Variants in GRAMD1B observed in about 807,000 individuals in gnomAD.
GRAMD1B encodes protein Aster-B.
In GRAMD1B, 37 loss-of-function variants were observed where a neutral mutation model predicts 99.7. The ratio of observed to expected loss-of-function variants is 0.37; its 90% CI spans 0.29 to 0.49. The LOEUF is 0.49. GRAMD1B is among the 20% of genes least tolerant of loss of function. The pLI, the probability that GRAMD1B is intolerant of heterozygous loss-of-function variation, is 0.98. For synonymous variants in GRAMD1B, 427 were observed against 387.6 expected (o/e 1.10, Z -1.19); for missense variants, 888 against 1,009.2 (o/e 0.88, Z 1.63).
intron 2 of GRAMD1B, among the ~76,000 whole-genome samples, chr11:123,499,184 G>C (rs1939601944): frequency 6.6e-6 from 1 of 152,136 alleles, no homozygotes; most frequent in South Asian, 2.1e-4. Flanking sequence ...GGTCATCAGG[G>C]TGGAGCCCCC....
At chr11:123,434,020 A>C (rs2134204163) in intron 1 of GRAMD1B, among the ~76,000 whole-genome samples, 1 of 152,144 alleles carries the variant, frequency 6.6e-6, no homozygotes, top group Non-Finnish European at 1.5e-5. Flanking sequence ...GCCTGAGCTC[A>C]GGAGTTAGCC....
chr11:123,450,575 A>C (rs1949844512), intron 1 of GRAMD1B, among the ~76,000 whole-genome samples: 1 of 152,208 alleles, frequency 6.6e-6, no homozygotes, highest in Non-Finnish European at 1.5e-5. Context: ...CATCACTGAA[A>C]GGGAATTAGT....
In GRAMD1B at chr11:123,591,683, G is replaced by C. The variant is rs907912720; in HGVS notation, c.685-2399G>C. On this transcript the variant is annotated intron_variant, in intron 4 of 19. Coordinates refer to ENST00000635736, the MANE Select transcript of GRAMD1B (RefSeq NM_001387025.1). The surrounding 1 kb of genome is among the most constrained non-coding windows in gnomAD (Gnocchi z 4.7). ...GACCATTTTAAATTGAAATAGGTGA[G>C]CCAGGCCCCGCCTTTGGGGGTGGAG... 7.6e-6 allele frequency: 3 copies of C among 393,990 alleles called. No individual in the cohort carries two copies. Among genetic ancestry groups the C allele is most frequent in the African/African-American group, 6.2e-5 (3 of 48,530 alleles). The allele number at this position is 393,990 out of a possible 1,614,324, so 24.4% of individuals were successfully genotyped here. A position where few individuals can be genotyped will look rare whatever the true frequency, so the allele number is the denominator to read the frequency against.
At chr11:123,584,191 C>A in intron 3 of GRAMD1B, 121 bp from the exon 4 acceptor site, 1 of 624,972 alleles carries the variant, frequency 1.6e-6, no homozygotes. Flanking sequence ...GGGAAGCATT[C>A]AGCTGCATTT....
chr11:123,366,533 C>T (rs1480275722), intron 1 of GRAMD1B, among the ~76,000 whole-genome samples: 6 of 152,208 alleles, frequency 3.9e-5, no homozygotes, highest in African/African-American at 1.2e-4. Context: ...AGGTGTCAAA[C>T]CTTTGGGCTA....
chr11:123,489,350 G>T (rs1371058321), intron 2 of GRAMD1B, among the ~76,000 whole-genome samples: 4 of 152,122 alleles, frequency 2.6e-5, no homozygotes, highest in African/African-American at 9.7e-5. Flanking sequence ...TGAAGCTCAG[G>T]GGACAAGACT....
intron 1 of GRAMD1B, among the ~76,000 whole-genome samples, chr11:123,467,846 C>CCTTT (rs1950778822): frequency 1.6e-5 from 2 of 124,466 alleles, no homozygotes; most frequent in African/African-American, 5.9e-5. Context: ...TCCCTCCCTT[C>CCTTT]CTTCCTTCCT....
intron 2 of GRAMD1B, among the ~76,000 whole-genome samples, chr11:123,566,532 C>T (rs1011986134): frequency 2.6e-5 from 4 of 152,142 alleles, no homozygotes; most frequent in East Asian, 1.9e-4. Flanking sequence ...TTTGGGAGGC[C>T]GAGGCGGGCA....
rs949106232 is a variant in GRAMD1B at position 123,591,106 on chromosome 11, G to A, written c.685-2976G>A. On this transcript the variant is annotated intron_variant, in intron 4 of 19. Coordinates refer to ENST00000635736, the MANE Select transcript of GRAMD1B (RefSeq NM_001387025.1). This position sits in a 1 kb window ranked among gnomAD's most constrained non-coding sequence, Gnocchi z 4.7. ...ACCACCTCTGGGCTACTCTCTGCCC[G>A]TGGACCAGCCGAGAAGAAAGCAGAG... 15 of 249,786 alleles carry A rather than the reference G, an allele frequency of 6.0e-5. No homozygotes were observed. The highest frequency in any genetic ancestry group is 7.6e-5 in the Non-Finnish European group (10 of 132,198). 15.5% of individuals were successfully genotyped at this position (249,786 alleles called of 1,614,324 possible). A position where few individuals can be genotyped will look rare whatever the true frequency, so the allele number is the denominator to read the frequency against.
chr11:123,395,966 A>G (rs771733595), intron 1 of GRAMD1B, among the ~76,000 whole-genome samples: 2 of 152,226 alleles, frequency 1.3e-5, no homozygotes, highest in Non-Finnish European at 2.9e-5. Context: ...GATAAAGACT[A>G]GAAGACTGTA....
At chr11:123,598,172 C>T in intron 7 of GRAMD1B, 2 of 1,523,924 alleles carry the variant, frequency 1.3e-6, no homozygotes, top group Non-Finnish European at 1.8e-6. Flanking sequence ...TGATGCCATT[C>T]AGCAAAGTGC....
intron 1 of GRAMD1B, among the ~76,000 whole-genome samples, chr11:123,371,537 T>C (rs1226139037): frequency 6.6e-6 from 1 of 152,182 alleles, no homozygotes; most frequent in Non-Finnish European, 1.5e-5. Flanking sequence ...TTTAGGCCCA[T>C]GAAGTGAATT....
At chr11:123,392,077 T>C (rs59757547) in intron 1 of GRAMD1B, among the ~76,000 whole-genome samples, 74,825 of 151,868 alleles carry the variant, frequency 0.49, 18,803 homozygotes, top group African/African-American at 0.6. Flanking sequence ...TCATGGATCC[T>C]GGGGGAAGAG....
rs1950203125 is a variant in GRAMD1B, at chr11:123,587,650, G to T, written c.684+3318G>T. The stretch of plus-strand genomic sequence containing the variant: ...GCAGCCCCAGAAGGAGCATTTCTGA[G>T]ATCAGAGCACAGGAGCCCAGACCCT... On this transcript the variant is annotated intron_variant, in intron 4 of 19. Coordinates refer to ENST00000635736, the MANE Select transcript of GRAMD1B (RefSeq NM_001387025.1). The surrounding 1 kb of genome is among the most constrained non-coding windows in gnomAD (Gnocchi z 4.2). Among the ~76,000 whole-genome samples, 2 of 152,174 alleles carry T rather than the reference G, an allele frequency of 1.3e-5. No individual in the cohort carries two copies. The highest frequency in any genetic ancestry group is 2.9e-5 in the Non-Finnish European group (2 of 68,036).
chr11:123,544,932 G>A (rs530380553), intron 2 of GRAMD1B, among the ~76,000 whole-genome samples: 5 of 152,336 alleles, frequency 3.3e-5, no homozygotes, highest in Admixed American at 6.5e-5. Context: ...TTGTTCTGGC[G>A]ATGGGAGATA....
At chr11:123,364,286 A>G (rs1318860427) in intron 1 of GRAMD1B, among the ~76,000 whole-genome samples, 7 of 152,164 alleles carry the variant, frequency 4.6e-5, no homozygotes, top group African/African-American at 1.7e-4. Context: ...GTAGTGGCTG[A>G]TTTTTCCCTC....
intron 2 of GRAMD1B, among the ~76,000 whole-genome samples, chr11:123,576,904 A>T (rs1948765557): frequency 6.6e-6 from 1 of 152,254 alleles, no homozygotes; most frequent in African/African-American, 2.4e-5. Context: ...AGGCTGTGAA[A>T]AATAGGATTG....
intron 1 of GRAMD1B, among the ~76,000 whole-genome samples, chr11:123,456,156 CAGAG>C (rs985418056): frequency 2.0e-5 from 3 of 151,884 alleles, no homozygotes; most frequent in East Asian, 1.9e-4. Flanking sequence ...GCCTGGGCGA[CAGAG>C]AGAGACTGTC....
At chr11:123,412,591 TC>T (rs950568729) in intron 1 of GRAMD1B, among the ~76,000 whole-genome samples, 12 of 152,124 alleles carry the variant, frequency 7.9e-5, no homozygotes, top group Admixed American at 2.0e-4. Context: ...GATTGTAAGG[TC>T]AAAAGATATC....
Sources: allele counts gnomAD v4.1 joint callset (sites outside exome capture counted in the v4.1 genomes callset), GRCh38; gene constraint gnomAD v4.1.1; non-coding constraint Gnocchi (gnomAD v3.1); transcripts MANE v1.5; gene names NCBI Gene and HGNC (gene_info 2026-07-23, HGNC 2026-07-21).